IL2RG: variants seen among roughly 807,000 people sequenced by gnomAD.
IL2RG encodes cytokine receptor common subunit gamma.
For missense variants in IL2RG, 205 were observed against 272.9 expected, an observed-to-expected ratio of 0.75 and a Z score of 1.75; for synonymous variants, 111 against 108.5, an observed-to-expected ratio of 1.02 and a Z score of -0.15.
chrX:71,109,936 AAAAAAAAAAG>A (rs1429331825), intron 4 of IL2RG, among the ~76,000 whole-genome samples: 1 of 102,879 alleles, frequency 9.7e-6, no homozygotes, highest in Non-Finnish European at 2.0e-5. Flanking sequence ...TCTCAAAAAA[AAAAAAAAAAG>A]AAAGAAAGAA....
At position 71,110,149 on chromosome X, in the gene IL2RG, C is replaced by T. The variant is rs1351674205; in HGVS notation, c.594+7G>A. 4.1e-6 allele frequency: 5 copies of T among 1,210,219 alleles called. No individual in the cohort carries two copies. Among genetic ancestry groups the T allele is most frequent in the East Asian group, 3.0e-5 (1 of 33,825 alleles). ...TAGCTGCTACATTCACGTCCCTAGT[C>T]ACTCACAGTCCAGCTGTGGTCCCAG... On this transcript the variant is annotated splice_region_variant and intron_variant, in intron 4 of 7. Transcript: ENST00000374202.
chrX:71,110,767 T>C, intron 2 of IL2RG, 79 bp from the exon 3 acceptor site: 1 of 1,086,453 alleles, frequency 9.2e-7, no homozygotes, highest in Non-Finnish European at 1.3e-6. Context: ...TAGCCTCATC[T>C]CCCCTCAACC....
At chrX:71,109,547 A>G (rs2092258675) in intron 4 of IL2RG, among the ~76,000 whole-genome samples, 157 bp from the exon 5 acceptor site, 1 of 111,653 alleles carries the variant, frequency 9.0e-6, no homozygotes, top group Non-Finnish European at 1.9e-5. Flanking sequence ...ACTGACTTGA[A>G]TCTAATGCCT....
chrX:71,109,741 C>T (rs1261146920), intron 4 of IL2RG, among the ~76,000 whole-genome samples: 1 of 110,060 alleles, frequency 9.1e-6, no homozygotes, highest in African/African-American at 3.3e-5. Flanking sequence ...TCAAGACCAG[C>T]CTGACCAACA....
Position 71,110,598 on chromosome X carries a change from C to CT in IL2RG, c.359dup (p.Glu121GlyfsTer47), listed in dbSNP as rs2147750311. On this transcript the variant is annotated frameshift_variant, in exon 3 of 8. Coordinates refer to ENST00000374202, the MANE Select transcript of IL2RG (RefSeq NM_000206.3). LOFTEE classifies it high-confidence loss of function. The stretch of plus-strand genomic sequence containing the variant: ...CAAATGTTTGGTAGAGGTGGATCTC[C>CT]TTTTTTTGCAACTGACAGCCAGAAG... The CT allele has an allele frequency of 8.3e-7, 1 of 1,209,479 alleles. No individual in the cohort carries two copies. Among genetic ancestry groups the CT allele is most frequent in the Non-Finnish European group, 1.1e-6 (1 of 893,539 alleles).
intron 2 of IL2RG, 54 bp downstream of exon 2, chrX:71,110,843 T>C: frequency 8.5e-7 from 1 of 1,175,124 alleles, no homozygotes. Context: ...TCTCTCTTGG[T>C]CTCTGATCCA....
intron 1 of IL2RG, 142 bp downstream of exon 1, chrX:71,111,283 A>T: frequency 2.4e-6 from 2 of 831,933 alleles, no homozygotes; most frequent in Non-Finnish European, 3.4e-6. Flanking sequence ...TGAGGCAGGG[A>T]ACCCTCCCCC....
chrX:71,110,880 C>A lies in IL2RG; in HGVS notation c.269+17G>T. The A allele has an allele frequency of 1.7e-6, 2 of 1,208,408 alleles. No homozygotes were observed. Among genetic ancestry groups the A allele is most frequent in the Admixed American group, 4.4e-5 (2 of 45,913 alleles). On this transcript the variant is annotated intron_variant, in intron 2 of 7. Transcript: ENST00000374202. The stretch of plus-strand genomic sequence containing the variant: ...CCCACCTCTTCTTCATCCCCTCCCC[C>A]TCGTCCCTTCTCATACCAATAATGC...
chrX:71,109,461 C>T, intron 4 of IL2RG, 71 bp from the exon 5 acceptor site: 1 of 990,358 alleles, frequency 1.0e-6, no homozygotes. Flanking sequence ...TACTCCTGAA[C>T]ACCCACCAGT....
intron 5 of IL2RG, 62 bp from the exon 6 acceptor site, chrX:71,108,757 C>A (rs2092256951): frequency 3.9e-6 from 3 of 776,969 alleles, no homozygotes; most frequent in Non-Finnish European, 5.8e-6. Context: ...ACATGCCAGG[C>A]ACTGGTGCCA....
intron 4 of IL2RG, among the ~76,000 whole-genome samples, chrX:71,109,676 T>C (rs1358145408): frequency 9.0e-6 from 1 of 111,388 alleles, no homozygotes; most frequent in African/African-American, 3.3e-5. Flanking sequence ...GGCTCACGCC[T>C]GTAATCCCAG....
Position 71,110,626 on chromosome X carries a change from A to G in IL2RG, c.332T>C (p.Ile111Thr), listed in dbSNP as rs778229878. 9 of 1,207,238 alleles carry G rather than the reference A, an allele frequency of 7.5e-6. No homozygotes were observed. In the East Asian group the frequency reaches 2.7e-4, roughly 36 times the overall value. The change falls in exon 3 of 8, where the codon ATC becomes ACC. Residue 111 changes from isoleucine (I) to threonine (T), a missense_variant. By Grantham distance (89) the Ile-to-Thr change is moderately conservative. Coordinates refer to ENST00000374202, the MANE Select transcript of IL2RG (RefSeq NM_000206.3). ...TTTTTGCAACTGACAGCCAGAAGTG[A>G]TTTCTTCAGAGAATAGATAGTGGCT... is the stretch of plus-strand genomic sequence containing the variant. ...KCSHYLFSEE[I>T]TSGCQLQKKE...
chrX:71,110,430 TA>T, intron 3 of IL2RG, 73 bp downstream of exon 3: 1 of 1,127,437 alleles, frequency 8.9e-7, no homozygotes, highest in Non-Finnish European at 1.2e-6. Flanking sequence ...ACCCTTATGA[TA>T]AAAGAACACT....
intron 7 of IL2RG, 54 bp from the exon 8 acceptor site, chrX:71,107,975 C>T: frequency 1.0e-6 from 1 of 1,004,571 alleles, no homozygotes; most frequent in Non-Finnish European, 1.4e-6. Flanking sequence ...AAGTAAAAGA[C>T]CGAGCTCTGT....
chrX:71,108,022 A>G (rs1435703004), intron 7 of IL2RG, 101 bp from the exon 8 acceptor site: 1 of 686,895 alleles, frequency 1.5e-6, no homozygotes, highest in African/African-American at 2.1e-5. Context: ...AACCACTGTA[A>G]TTGATTACAG....
At chrX:71,110,732 C>A (rs750777888) in intron 2 of IL2RG, 44 bp from the exon 3 acceptor site, 5 of 1,127,213 alleles carry the variant, frequency 4.4e-6, no homozygotes, top group Non-Finnish European at 4.9e-6. Context: ...TGGGGCCAAT[C>A]TGGGTACTGC....
intron 5 of IL2RG, 23 bp from the exon 6 acceptor site, chrX:71,108,718 G>A (rs1371315466): frequency 1.9e-6 from 2 of 1,044,337 alleles, no homozygotes; most frequent in Non-Finnish European, 1.3e-6. Context: ...GAAAAGCAAA[G>A]TGGACCTTAT....
intron 3 of IL2RG, 72 bp from the exon 4 acceptor site, chrX:71,110,367 A>G: frequency 8.9e-7 from 1 of 1,126,858 alleles, no homozygotes; most frequent in Non-Finnish European, 1.2e-6. Flanking sequence ...TAGTGCCCCT[A>G]ATACCTCCTC....
At position 71,108,421 on chromosome X, in the gene IL2RG, A is replaced by G. The variant is rs905243497; in HGVS notation, c.855-75T>C. 6.2e-6 allele frequency: 5 copies of G among 812,312 alleles called. No homozygotes were observed. The African/African-American group carries it at 1.0e-4, about 16-fold the overall frequency. 66.9% of individuals were successfully genotyped at this position (812,312 alleles called of 1,213,427 possible). ...ATCACCCTTCTCCCAGTTGTCCCAT[A>G]TGAAATAAAGTGATTCTGTGTTCTC... On this transcript the variant is annotated intron_variant, in intron 6 of 7. Transcript: ENST00000374202.
Sources: gnomAD v4.1 joint callset for allele counts (sites outside exome capture counted in the v4.1 genomes callset) on GRCh38, gnomAD v4.1.1 for gene constraint, MANE v1.5 for transcripts, NCBI Gene and HGNC (gene_info 2026-07-23, HGNC 2026-07-21) for gene names.